The following APIP variants were observed in gnomAD, a reference collection of about 807,000 sequenced individuals.
APIP encodes APAF1 interacting protein, also known as methylthioribulose-1-phosphate dehydratase.
APIP carries 32 observed loss-of-function variants against 32.0 expected under a neutral mutation model. The observed-to-expected ratio is 1.00, with a 90% confidence interval of 0.76 to 1.34. The LOEUF (loss-of-function observed/expected upper bound fraction) is 1.34, where lower values mean the gene tolerates loss of function less well. APIP is among the 40% of genes most tolerant of loss of function. APIP has a pLI of 0.00. For synonymous variants in APIP, 92 were observed against 94.8 expected (o/e 0.97, Z 0.17); for missense variants, 247 against 298.6 (o/e 0.83, Z 1.27).
At chr11:34,914,417 C>T (rs1443296414) in intron 1 of APIP, among the ~76,000 whole-genome samples, 1 of 152,134 alleles carries the variant, frequency 6.6e-6, no homozygotes, top group Non-Finnish European at 1.5e-5. Context: ...CTTTCCATTG[C>T]CCATGACCCC....
chr11:34,895,314 A>G (rs1396640679), intron 1 of APIP, among the ~76,000 whole-genome samples: 1 of 152,202 alleles, frequency 6.6e-6, no homozygotes, highest in Non-Finnish European at 1.5e-5. Context: ...GCAACCTGGG[A>G]GTATTCGGTA....
intron 1 of APIP, among the ~76,000 whole-genome samples, chr11:34,897,798 A>G (rs1440127475): frequency 6.6e-6 from 1 of 152,078 alleles, no homozygotes; most frequent in Non-Finnish European, 1.5e-5. Context: ...TTTGAATATT[A>G]AAAGGCTAGG....
chr11:34,886,925 C>A (rs1853082787), intron 5 of APIP, among the ~76,000 whole-genome samples: 1 of 152,122 alleles, frequency 6.6e-6, no homozygotes, highest in African/African-American at 2.4e-5. Context: ...CAGAACATAT[C>A]CCCATCCACA....
chr11:34,912,253 AT>A (rs1318225269), intron 1 of APIP, among the ~76,000 whole-genome samples: 1 of 152,218 alleles, frequency 6.6e-6, no homozygotes, highest in Non-Finnish European at 1.5e-5. Context: ...GCAAATGATA[AT>A]AAAAATTATT....
At position 34,888,343 on chromosome 11, in the gene APIP, A is replaced by C. The variant is rs754722385; in HGVS notation, c.411T>G (p.His137Gln). The C allele has an allele frequency of 6.2e-7, 1 of 1,610,816 alleles. No homozygotes were observed. The highest frequency in any genetic ancestry group is 8.5e-7 in the Non-Finnish European group (1 of 1,178,488). ...LFPGREFKIT[H>Q]QEMIKGIKKC... ...TCTTTATTCCTTTTATCATCTCTTGATGTGTAATTTTAAACTCCCGTCCTG... is the reference window on the plus strand; with the variant it reads ...TCTTTATTCCTTTTATCATCTCTTGCTGTGTAATTTTAAACTCCCGTCCTG... The change falls in exon 5 of 7, where the codon CAT (histidine) becomes CAG (glutamine). Residue 137 changes from histidine (H) to glutamine (Q), a missense_variant. His to Gln is a conservative substitution (Grantham distance 24, BLOSUM62 0). Coordinates refer to ENST00000395787, the MANE Select transcript of APIP (RefSeq NM_015957.4).
At chr11:34,904,138 T>C (rs1853406524) in intron 1 of APIP, among the ~76,000 whole-genome samples, 1 of 152,232 alleles carries the variant, frequency 6.6e-6, no homozygotes, top group African/African-American at 2.4e-5. Context: ...CCTGCTGGTA[T>C]GGGTAGACAC....
chr11:34,903,730 G>C (rs1565138340), intron 1 of APIP, among the ~76,000 whole-genome samples: 1 of 152,120 alleles, frequency 6.6e-6, no homozygotes, highest in Non-Finnish European at 1.5e-5. Context: ...TCTAATCTGG[G>C]AAGGCTCCAT....
chr11:34,916,141 C>G, intron 1 of APIP, 87 bp downstream of exon 1: 1 of 1,524,084 alleles, frequency 6.6e-7, no homozygotes, highest in Non-Finnish European at 8.8e-7. Flanking sequence ...AACGCCCGGC[C>G]CGCTACCCTG....
intron 1 of APIP, among the ~76,000 whole-genome samples, chr11:34,910,127 C>T (rs79981431): frequency 0.16 from 24,595 of 152,192 alleles, 2,691 homozygotes; most frequent in Non-Finnish European, 0.25. Context: ...AATCATGAAG[C>T]AAGGCCAGAC....
intron 2 of APIP, among the ~76,000 whole-genome samples, chr11:34,894,257 G>A (rs1281107408): frequency 1.3e-5 from 2 of 152,062 alleles, no homozygotes; most frequent in Non-Finnish European, 2.9e-5. Context: ...ATACAGATTA[G>A]CAGGCACTAT....
chr11:34,913,374 A>C (rs1462794801), intron 1 of APIP, among the ~76,000 whole-genome samples: 1 of 152,140 alleles, frequency 6.6e-6, no homozygotes, highest in Non-Finnish European at 1.5e-5. Flanking sequence ...ACAGTTCTTA[A>C]AGATGGTGTG....
intron 1 of APIP, among the ~76,000 whole-genome samples, chr11:34,899,000 CG>C (rs1203987797): frequency 6.6e-6 from 1 of 151,752 alleles, no homozygotes; most frequent in African/African-American, 2.4e-5. Context: ...GGGGTTTCAC[CG>C]TGTTAGCCAG....
chr11:34,903,506 G>C lies in APIP; in HGVS notation c.58-8396C>G, dbSNP rs1009956942. Among the ~76,000 whole-genome samples, 4 of 152,308 alleles carry C rather than the reference G, an allele frequency of 2.6e-5. No individual in the cohort carries two copies. In the East Asian group the frequency reaches 7.7e-4, roughly 29 times the overall value. Reference sequence around the variant, plus strand: ...GCTCATGCTGCCATTTGGAAGGAAAGGCATTTCCTTACCACCAATGGACCG... The same window carrying C: ...GCTCATGCTGCCATTTGGAAGGAAACGCATTTCCTTACCACCAATGGACCG... On this transcript the variant is annotated intron_variant, in intron 1 of 6. Transcript: ENST00000395787.
chr11:34,887,114 T>C (rs1422342913), intron 5 of APIP, among the ~76,000 whole-genome samples: 3 of 152,156 alleles, frequency 2.0e-5, no homozygotes, highest in African/African-American at 7.2e-5. Flanking sequence ...CTGAGCTGTG[T>C]TAATGACTCT....
chr11:34,888,892 GA>G (rs1853136498), intron 3 of APIP, 23 bp from the exon 4 acceptor site: 7 of 1,331,162 alleles, frequency 5.3e-6, no homozygotes, highest in Non-Finnish European at 7.0e-6. Context: ...GGGAAAAAAA[GA>G]AAAAAAGAAG....
At chr11:34,890,685 T>C in intron 2 of APIP, 133 bp from the exon 3 acceptor site, 1 of 902,650 alleles carries the variant, frequency 1.1e-6, no homozygotes, top group Non-Finnish European at 1.6e-6. Flanking sequence ...ATTATGGATT[T>C]TGGCTGCATA....
chr11:34,898,702 T>C (rs1439990086), intron 1 of APIP, among the ~76,000 whole-genome samples: 1 of 150,590 alleles, frequency 6.6e-6, no homozygotes, highest in African/African-American at 2.4e-5. Flanking sequence ...AGCGTCTCTC[T>C]CTCTGCCCTT....
At chr11:34,890,779 C>CAT (rs1370752570) in intron 2 of APIP, 1 of 363,542 alleles carries the variant, frequency 2.8e-6, no homozygotes, top group Non-Finnish European at 5.0e-6. Flanking sequence ...TTCTACGTTT[C>CAT]ATATATATTT....
intron 1 of APIP, among the ~76,000 whole-genome samples, chr11:34,895,918 G>A (rs1014910117): frequency 2.6e-5 from 4 of 151,982 alleles, no homozygotes; most frequent in South Asian, 2.1e-4. Context: ...TTCCATTTTG[G>A]GCAGTATAAT....
Sources: allele counts gnomAD v4.1 joint callset (sites outside exome capture counted in the v4.1 genomes callset), GRCh38; gene constraint gnomAD v4.1.1; transcripts MANE v1.5; gene names NCBI Gene and HGNC (gene_info 2026-07-23, HGNC 2026-07-21).